The following SCN8A variants were observed in gnomAD, a reference collection of about 807,000 sequenced individuals.
SCN8A encodes the protein sodium channel protein type 8 subunit alpha.
A neutral mutation model predicts 184.1 loss-of-function variants in SCN8A; 30 were observed. That is an observed-to-expected ratio of 0.16 (90% CI 0.12 to 0.22). The LOEUF (loss-of-function observed/expected upper bound fraction) is 0.22, where lower values mean the gene tolerates loss of function less well. SCN8A is among the 10% of genes least tolerant of loss of function. The pLI, the probability that SCN8A is intolerant of heterozygous loss-of-function variation, is 1.00. For missense variants in SCN8A, 1,057 were observed against 2,498.9 expected (o/e 0.42, Z 12.30); for synonymous variants, 852 against 907.0 (o/e 0.94, Z 1.09).
intron 12 of SCN8A, among the ~76,000 whole-genome samples, chr12:51,723,380 T>C (rs994780376): frequency 4.6e-5 from 7 of 152,148 alleles, no homozygotes; most frequent in African/African-American, 1.7e-4. Flanking sequence ...TAGTCCCAGC[T>C]ACTTGGGATG....
At position 51,641,690 on chromosome 12, in the gene SCN8A, C is replaced by T. The variant is rs371348740; in HGVS notation, c.-54-21074C>T. On this transcript the variant is annotated intron_variant, in intron 1 of 26. Transcript: ENST00000627620. ...ATAGATGCTTCTGAAAAGACCAATG[C>T]GTGTCCCACATCTTATCCACTGTGC... Among the ~76,000 whole-genome samples the T allele has an allele frequency of 1.1e-4, 17 of 152,302 alleles. No homozygotes were observed. In the South Asian group the frequency reaches 1.7e-3, roughly 15 times the overall value.
At chr12:51,667,874 C>G (rs1274377053) in intron 2 of SCN8A, among the ~76,000 whole-genome samples, 1 of 152,118 alleles carries the variant, frequency 6.6e-6, no homozygotes, top group East Asian at 1.9e-4. Context: ...ATAGGGCACA[C>G]TCCTATTGCA....
At chr12:51,641,358 T>C (rs772925805) in intron 1 of SCN8A, among the ~76,000 whole-genome samples, 14 of 152,216 alleles carry the variant, frequency 9.2e-5, no homozygotes, top group Non-Finnish European at 1.5e-4. Context: ...GGAAGGACTG[T>C]ATATTCTTAT....
chr12:51,650,715 G>T (rs1447162101), intron 1 of SCN8A, among the ~76,000 whole-genome samples: 2 of 152,054 alleles, frequency 1.3e-5, no homozygotes, highest in African/African-American at 4.8e-5. Context: ...CCGGAATGAG[G>T]GCAAGGAACA....
At chr12:51,771,037 T>A (rs745517512) in intron 19 of SCN8A, among the ~76,000 whole-genome samples, 14 of 152,218 alleles carry the variant, frequency 9.2e-5, no homozygotes, top group Non-Finnish European at 1.8e-4. Context: ...ATTCCTCCAC[T>A]TACTGTCCCT....
chr12:51,690,652 G>GC (rs1163776909), intron 6 of SCN8A, among the ~76,000 whole-genome samples: 10 of 152,290 alleles, frequency 6.6e-5, no homozygotes, highest in African/African-American at 2.4e-4. Flanking sequence ...GTGAACCACT[G>GC]CATCTGGCCC....
chr12:51,786,132 A>G (rs1321813020), intron 21 of SCN8A, among the ~76,000 whole-genome samples: 1 of 152,178 alleles, frequency 6.6e-6, no homozygotes, highest in African/African-American at 2.4e-5. Flanking sequence ...TTGAACAATT[A>G]TACCTTGTTT....
chr12:51,797,628 C>T (rs1487635054), intron 26 of SCN8A, among the ~76,000 whole-genome samples: 2 of 152,124 alleles, frequency 1.3e-5, no homozygotes, highest in African/African-American at 4.8e-5. Context: ...TTGTAGTTTC[C>T]CATTGACCTT....
rs548857805 is a variant in SCN8A, at chr12:51,604,769, G to A, written c.-55+13410G>A. ...GGCTGGTCTCAAACTCCTGATCTCA[G>A]GTGATCCGCTGCCTTGGCCTCCCAA... is the stretch of plus-strand genomic sequence containing the variant. On this transcript the variant is annotated intron_variant, in intron 1 of 26. Transcript: ENST00000627620. 1.8e-3 allele frequency among the ~76,000 whole-genome samples: 277 copies of A among 152,196 alleles called. 1 individual carries two copies. The highest frequency in any genetic ancestry group is 6.5e-3 in the African/African-American group (269 of 41,524).
At chr12:51,785,656 TTTC>T (rs1938064800) in intron 21 of SCN8A, among the ~76,000 whole-genome samples, 1 of 152,224 alleles carries the variant, frequency 6.6e-6, no homozygotes, top group African/African-American at 2.4e-5. Flanking sequence ...AAGGGGTTTT[TTTC>T]TTTTGCTTTT....
chr12:51,658,872 G>A (rs1399483653), intron 1 of SCN8A, among the ~76,000 whole-genome samples: 2 of 152,090 alleles, frequency 1.3e-5, no homozygotes, highest in Non-Finnish European at 2.9e-5. Flanking sequence ...TCAGAAGACT[G>A]TCATTCCAAG....
Position 51,721,693 on chromosome 12 carries a change from G to A in SCN8A, c.1783G>A (p.Glu595Lys), listed in dbSNP as rs754372794. The A allele has an allele frequency of 1.3e-6, 2 of 1,591,238 alleles. No individual in the cohort carries two copies. Among genetic ancestry groups the A allele is most frequent in the South Asian group, 1.1e-5 (1 of 88,398 alleles). The stretch of plus-strand genomic sequence containing the variant: ...CGAGCACAGCACGGTGGAGGAGAGC[G>A]AGGGCCGCCGGGACTCCCTCTTCAT... ...DDEHSTVEES[E>K]GRRDSLFIPI... is the part of the protein sequence containing the mutation. The change falls in exon 12 of 27, where the codon GAG (glutamate) becomes AAG (lysine). Residue 595 changes from glutamate (E) to lysine (K), a missense_variant. Around this residue, in one of 19 missense-constraint regions of SCN8A, gnomAD observed 322 missense variants for 390.1 expected, o/e 0.83. Transcript: ENST00000627620.
At chr12:51,665,780 T>C (rs1485052770) in intron 2 of SCN8A, among the ~76,000 whole-genome samples, 3 of 152,050 alleles carry the variant, frequency 2.0e-5, no homozygotes, top group African/African-American at 4.8e-5. Flanking sequence ...ATGAAGACCG[T>C]AGGCTGGGCG....
chr12:51,672,029 C>T (rs1194099744), intron 2 of SCN8A, among the ~76,000 whole-genome samples: 1 of 152,152 alleles, frequency 6.6e-6, no homozygotes, highest in Non-Finnish European at 1.5e-5. Flanking sequence ...GCCTTTCTAC[C>T]TCCTCTGGAA....
At chr12:51,596,564 C>G (rs1220230236) in intron 1 of SCN8A, among the ~76,000 whole-genome samples, 1 of 152,006 alleles carries the variant, frequency 6.6e-6, no homozygotes, top group Non-Finnish European at 1.5e-5. Context: ...GCTTAGGTAG[C>G]TAAACATATC....
intron 12 of SCN8A, among the ~76,000 whole-genome samples, chr12:51,738,986 G>GC (rs923023240): frequency 3.9e-5 from 6 of 152,160 alleles, no homozygotes; most frequent in African/African-American, 1.2e-4. Flanking sequence ...CCCGGGACAG[G>GC]CCCCTCATGG....
chr12:51,629,812 G>A (rs1439937915), intron 1 of SCN8A, among the ~76,000 whole-genome samples: 1 of 152,102 alleles, frequency 6.6e-6, no homozygotes, highest in African/African-American at 2.4e-5. Context: ...TTTGAGTGGT[G>A]ACACCTGGGA....
intron 1 of SCN8A, among the ~76,000 whole-genome samples, chr12:51,652,846 T>C (rs1380693958): frequency 1.3e-5 from 2 of 152,222 alleles, no homozygotes; most frequent in Non-Finnish European, 2.9e-5. Context: ...TACTGTACTT[T>C]GCCTGTTTAC....
chr12:51,750,694 T>TG (rs1234673837), intron 13 of SCN8A, among the ~76,000 whole-genome samples: 1 of 152,192 alleles, frequency 6.6e-6, no homozygotes, highest in African/African-American at 2.4e-5. Context: ...CAGGGTATTC[T>TG]GGGGCACTTT....
Sources: allele counts gnomAD v4.1 joint callset (sites outside exome capture counted in the v4.1 genomes callset), GRCh38; gene constraint gnomAD v4.1.1; regional missense constraint gnomAD v4.1.1; transcripts MANE v1.5; gene names NCBI Gene and HGNC (gene_info 2026-07-23, HGNC 2026-07-21).